Variants in PRRX1 observed in about 807,000 individuals in gnomAD.
PRRX1 encodes paired mesoderm homeobox protein 1.
PRRX1 carries 8 observed loss-of-function variants against 24.0 expected under a neutral mutation model. The ratio of observed to expected loss-of-function variants is 0.33; its 90% CI spans 0.20 to 0.60. The LOEUF is 0.60. PRRX1 is among the 20% of genes least tolerant of loss of function. PRRX1 has a pLI of 0.82. For missense variants in PRRX1, 281 were observed against 322.4 expected, an observed-to-expected ratio of 0.87 and a Z score of 0.98; for synonymous variants, 160 against 131.7, an observed-to-expected ratio of 1.22 and a Z score of -1.47.
At chr1:170,672,266 C>T (rs2101885737) in intron 1 of PRRX1, among the ~76,000 whole-genome samples, 1 of 152,282 alleles carries the variant, frequency 6.6e-6, no homozygotes, top group South Asian at 2.1e-4. Context: ...TTACCACTCC[C>T]TGACAATGGG....
At chr1:170,701,359 G>A (rs1215533447) in intron 1 of PRRX1, among the ~76,000 whole-genome samples, 2 of 152,110 alleles carry the variant, frequency 1.3e-5, no homozygotes, top group African/African-American at 4.8e-5. Flanking sequence ...CCAGTAGTAA[G>A]CATATATTAC....
In PRRX1 at chr1:170,689,839, C is replaced by CTCT. The variant is rs1558049688; in HGVS notation, c.241+25380_241+25381insTCT. 3.2e-3 allele frequency among the ~76,000 whole-genome samples: 290 copies of CTCT among 91,638 alleles called. 15 individuals carry two copies. The highest frequency in any genetic ancestry group is 9.3e-3 in the African/African-American group (231 of 24,708). The allele number at this position is 91,638 out of a possible 152,430, so 60.1% of individuals were successfully genotyped here. ...GTCTCTCTCTCTCTCTCTCTCTCTC[C>CTCT]CTCTCTCTCTCTCTCTCTCTCTCTC... On this transcript the variant is annotated intron_variant, in intron 1 of 3. Coordinates refer to ENST00000239461, the MANE Select transcript of PRRX1 (RefSeq NM_022716.4).
intron 3 of PRRX1, chr1:170,726,687 AT>A: frequency 2.6e-6 from 1 of 383,626 alleles, no homozygotes; most frequent in Non-Finnish European, 4.7e-6. Flanking sequence ...AGAAAAGATC[AT>A]TAAGCTGTGC....
chr1:170,688,060 G>A (rs1034437291), intron 1 of PRRX1, among the ~76,000 whole-genome samples: 3 of 152,202 alleles, frequency 2.0e-5, no homozygotes, highest in Non-Finnish European at 2.9e-5. Context: ...AGTCAAGCAT[G>A]TAGGCATACA....
At chr1:170,734,156 C>G (rs970435795) in intron 3 of PRRX1, among the ~76,000 whole-genome samples, 5 of 151,792 alleles carry the variant, frequency 3.3e-5, no homozygotes, top group Non-Finnish European at 5.9e-5. Context: ...CTGACTTTGC[C>G]CTTTCTATTA....
intron 2 of PRRX1, among the ~76,000 whole-genome samples, chr1:170,721,608 G>A (rs866137411): frequency 6.6e-6 from 1 of 152,190 alleles, no homozygotes; most frequent in African/African-American, 2.4e-5. Flanking sequence ...GAAAGTCGTG[G>A]GAGCCTGTGG....
At chr1:170,732,005 T>C (rs998430279) in intron 3 of PRRX1, among the ~76,000 whole-genome samples, 2 of 152,198 alleles carry the variant, frequency 1.3e-5, no homozygotes, top group African/African-American at 4.8e-5. Flanking sequence ...CTTATGTCTG[T>C]ACCCCACTTC....
chr1:170,702,559 A>C (rs1654419267), intron 1 of PRRX1, among the ~76,000 whole-genome samples: 1 of 152,218 alleles, frequency 6.6e-6, no homozygotes, highest in Non-Finnish European at 1.5e-5. Flanking sequence ...TAACAAGTAA[A>C]AAGAGAACTA....
chr1:170,720,431 A>G (rs765562597), intron 2 of PRRX1, among the ~76,000 whole-genome samples: 42 of 152,210 alleles, frequency 2.8e-4, no homozygotes, highest in Non-Finnish European at 5.4e-4. Context: ...TTTAAATAAA[A>G]TTGAATGCCT....
rs1655697964 is a variant in PRRX1 at position 170,738,535 on chromosome 1, G to A, written c.*2349G>A. On this transcript the variant is annotated 3_prime_UTR_variant, in exon 4 of 4. Transcript: ENST00000239461. ...ATCCATTTGTCCCATTAGTTGCTGT[G>A]GATTATCAAGTTTTGAAGGAACTGT... 8.8e-6 allele frequency: 2 copies of A among 228,220 alleles called. No homozygotes were observed. Among genetic ancestry groups the A allele is most frequent in the Non-Finnish European group, 1.7e-5 (2 of 115,082 alleles). 14.1% of individuals were successfully genotyped at this position (228,220 alleles called of 1,614,324 possible). A position where few individuals can be genotyped will look rare whatever the true frequency, so the allele number is the denominator to read the frequency against.
chr1:170,702,675 G>A (rs1005416244), intron 1 of PRRX1, among the ~76,000 whole-genome samples: 5 of 152,142 alleles, frequency 3.3e-5, no homozygotes, highest in Middle Eastern at 3.2e-3. Flanking sequence ...TCTATCACAT[G>A]AGCACCCTCT....
At chr1:170,706,498 G>T (rs564319111) in intron 1 of PRRX1, among the ~76,000 whole-genome samples, 7 of 152,134 alleles carry the variant, frequency 4.6e-5, no homozygotes, top group Non-Finnish European at 1.0e-4. Context: ...AAGATCACAT[G>T]ACTTTTTTGG....
At chr1:170,730,212 T>C in intron 3 of PRRX1, 3 of 1,345,028 alleles carry the variant, frequency 2.2e-6, no homozygotes, top group Middle Eastern at 1.8e-4. Flanking sequence ...ATCGTGGTCA[T>C]GGTGCTGCCT....
At chr1:170,705,917 G>GACACACACACACACACAC (rs72161621) in intron 1 of PRRX1, among the ~76,000 whole-genome samples, 4 of 123,674 alleles carry the variant, frequency 3.2e-5, no homozygotes, top group Non-Finnish European at 5.0e-5. Flanking sequence ...TACCCACATA[G>GACACACACACACACACAC]ACACACACAC....
At chr1:170,673,756 C>T (rs1383836318) in intron 1 of PRRX1, among the ~76,000 whole-genome samples, 1 of 152,194 alleles carries the variant, frequency 6.6e-6, no homozygotes, top group East Asian at 1.9e-4. Flanking sequence ...GGATGCAAGA[C>T]TTATGCACTT....
chr1:170,713,084 T>C (rs1654799417), intron 1 of PRRX1, among the ~76,000 whole-genome samples: 1 of 152,184 alleles, frequency 6.6e-6, no homozygotes, highest in South Asian at 2.1e-4. Context: ...GAATACATTA[T>C]TGTTATTCGT....
intron 1 of PRRX1, among the ~76,000 whole-genome samples, chr1:170,679,320 C>T (rs1292995931): frequency 6.6e-6 from 1 of 152,162 alleles, no homozygotes; most frequent in Admixed American, 6.6e-5. Flanking sequence ...TTAAGCACTC[C>T]ACATAAAACC....
intron 1 of PRRX1, among the ~76,000 whole-genome samples, chr1:170,679,469 G>A (rs1458761375): frequency 1.3e-5 from 2 of 151,900 alleles, no homozygotes; most frequent in African/African-American, 2.4e-5. Context: ...GCACAATTTC[G>A]GCTCACTGCA....
intron 2 of PRRX1, among the ~76,000 whole-genome samples, chr1:170,725,142 C>T (rs924124254): frequency 6.6e-6 from 1 of 152,102 alleles, no homozygotes; most frequent in African/African-American, 2.4e-5. Flanking sequence ...CACCCTGAGA[C>T]TTTGCTGAAG....
Sources: allele counts gnomAD v4.1 joint callset (sites outside exome capture counted in the v4.1 genomes callset), GRCh38; gene constraint gnomAD v4.1.1; transcripts MANE v1.5; gene names NCBI Gene and HGNC (gene_info 2026-07-23, HGNC 2026-07-21).